PCSK9: variants seen among roughly 807,000 people sequenced by gnomAD.
PCSK9 encodes the protein convertase subtilisin/kexin type 9 preproprotein.
Under a neutral mutation model 62.1 loss-of-function variants are expected in PCSK9, and 57 were observed. The observed-to-expected ratio is 0.92, with a 90% CI of 0.74 to 1.14. PCSK9 has a LOEUF of 1.14. PCSK9 is among the 50% of genes most tolerant of loss of function. The probability of loss-of-function intolerance (pLI) is 0.00; values close to 1 mark genes in which losing one functional copy is unlikely to be tolerated. For missense variants in PCSK9, 870 were observed against 959.8 expected (o/e 0.91, Z 1.24); for synonymous variants, 387 against 409.4 (o/e 0.95, Z 0.66).
chr1:55,056,944 C>T (rs559878234), intron 6 of PCSK9, among the ~76,000 whole-genome samples: 2 of 151,404 alleles, frequency 1.3e-5, no homozygotes, highest in African/African-American at 4.9e-5. Flanking sequence ...CCCCCCTGGC[C>T]TATCAAGGCT....
rs1390903765 is a variant in PCSK9 at position 55,040,261 on chromosome 1, T to C, written c.207+217T>C. Among the ~76,000 whole-genome samples, 4 of 151,976 alleles carry C rather than the reference T, an allele frequency of 2.6e-5. No individual in the cohort carries two copies. The highest frequency in any genetic ancestry group is 6.6e-5 in the Admixed American group (1 of 15,236). On this transcript the variant is annotated intron_variant, in intron 1 of 11. Transcript: ENST00000302118. The surrounding 1 kb of genome is among the most constrained non-coding windows in gnomAD (Gnocchi z 4.1). Reference sequence around the variant, plus strand: ...TGGAGAGCGGGGACGGCCGGCTCTTTGGGGACTTGCTGGGGCGTGCGGCTG... The same window carrying C: ...TGGAGAGCGGGGACGGCCGGCTCTTCGGGGACTTGCTGGGGCGTGCGGCTG...
rs1259693827 is a variant in PCSK9 at position 55,046,505 on chromosome 1, C to A, written c.400-18C>A. ...AAATGGCTTAAGCAGAGTCCCCCGGCCTCTCTGGCTTCTGCAGGCCTTGAA... is the reference window on the plus strand; with the variant it reads ...AAATGGCTTAAGCAGAGTCCCCCGGACTCTCTGGCTTCTGCAGGCCTTGAA... On this transcript the variant is annotated intron_variant, in intron 2 of 11. Transcript: ENST00000302118. The A allele has an allele frequency of 1.9e-6, 3 of 1,614,084 alleles. No individual in the cohort carries two copies. The highest frequency in any genetic ancestry group is 2.5e-6 in the Non-Finnish European group (3 of 1,180,050).
At chr1:55,063,207 T>A (rs1369164450) in intron 11 of PCSK9, among the ~76,000 whole-genome samples, 162 bp from the exon 12 acceptor site, 4 of 150,470 alleles carry the variant, frequency 2.7e-5, no homozygotes, top group South Asian at 2.1e-4. Context: ...GGGTGGGAGG[T>A]GCGGGGTGGG....
rs1644730154 is a variant in PCSK9, at chr1:55,058,139, G to A, written c.1284G>A (p.Trp428Ter). Residue 428 changes from tryptophan (W) to a stop codon, truncating the protein, a stop_gained, in exon 8 of 12, where the codon TGG (tryptophan) becomes TGA (stop). Transcript: ENST00000302118. LOFTEE classifies it high-confidence loss of function. Reference protein sequence around the residue: ...FSAKDVINEAWFPEDQRVLTP... With the variant: ...FSAKDVINEA ...CCAAAGATGTCATCAATGAGGCCTGGTTCCCTGAGGACCAGCGGGTACTGA... is the reference window on the plus strand; with the variant it reads ...CCAAAGATGTCATCAATGAGGCCTGATTCCCTGAGGACCAGCGGGTACTGA... 13 of 1,613,658 alleles carry A rather than the reference G, an allele frequency of 8.1e-6. No individual in the cohort carries two copies. In the East Asian group the frequency reaches 2.7e-4, roughly 33 times the overall value.
At chr1:55,050,377 CCAGATGTCTT>C (rs961241515) in intron 3 of PCSK9, among the ~76,000 whole-genome samples, 11 of 152,206 alleles carry the variant, frequency 7.2e-5, no homozygotes, top group African/African-American at 2.7e-4. Flanking sequence ...TGTTTGGTCT[CCAGATGTCTT>C]CAGGTCGGAG....
intron 5 of PCSK9, among the ~76,000 whole-genome samples, chr1:55,055,305 C>T (rs1644705840): frequency 7.0e-6 from 1 of 143,728 alleles, no homozygotes; most frequent in Non-Finnish European, 1.5e-5. Flanking sequence ...GCATCTGAGC[C>T]AGGCCTCAGA....
chr1:55,053,283 T>TAA (rs1157095728), intron 5 of PCSK9, among the ~76,000 whole-genome samples: 1 of 152,060 alleles, frequency 6.6e-6, no homozygotes, highest in Non-Finnish European at 1.5e-5. Flanking sequence ...TGTGACTACA[T>TAA]TTAGTCCACC....
intron 5 of PCSK9, 133 bp from the exon 6 acceptor site, chr1:55,055,860 C>T (rs1473244286): frequency 1.2e-6 from 1 of 860,232 alleles, no homozygotes; most frequent in Non-Finnish European, 1.7e-6. Flanking sequence ...GCAGCATTTC[C>T]ACTGGCTTTT....
Position 55,050,381 on chromosome 1 carries a change from A to G in PCSK9, c.524-1897A>G, listed in dbSNP as rs151039689. ...GTGGCGAGCACTGTTTGGTCTCCAGATGTCTTCAGGTCGGAGCTCACAGCG... is the reference window on the plus strand; with the variant it reads ...GTGGCGAGCACTGTTTGGTCTCCAGGTGTCTTCAGGTCGGAGCTCACAGCG... On this transcript the variant is annotated intron_variant, in intron 3 of 11. Coordinates refer to ENST00000302118, the MANE Select transcript of PCSK9 (RefSeq NM_174936.4). 1.2e-4 allele frequency among the ~76,000 whole-genome samples: 19 copies of G among 152,240 alleles called. No homozygotes were observed. In the East Asian group the frequency reaches 2.9e-3, roughly 23 times the overall value.
chr1:55,051,232 T>C (rs1269947724), intron 3 of PCSK9: 1 of 456,140 alleles, frequency 2.2e-6, no homozygotes, highest in Admixed American at 2.3e-5. Context: ...GAGGTGCTGT[T>C]CAGATGGCAC....
chr1:55,058,018 C>A lies in PCSK9; in HGVS notation c.1181-18C>A. The A allele has an allele frequency of 6.2e-7, 1 of 1,613,562 alleles. No homozygotes were observed. On this transcript the variant is annotated intron_variant, in intron 7 of 11. Transcript: ENST00000302118. ...GGGCCGGGCCATCACCATCTTTCACCATTCACCCCTGCACCAGGCATTGCA... is the reference window on the plus strand; with the variant it reads ...GGGCCGGGCCATCACCATCTTTCACAATTCACCCCTGCACCAGGCATTGCA...
chr1:55,057,281 A>G (rs367548452), intron 6 of PCSK9, 50 bp from the exon 7 acceptor site: 81 of 1,578,666 alleles, frequency 5.1e-5, no homozygotes, highest in Non-Finnish European at 6.4e-5. Context: ...TGCCTCTGCA[A>G]CCCCTCTCTT....
In PCSK9 at chr1:55,063,925, G is replaced by C. The variant is rs1004125446; in HGVS notation, c.*341G>C. 10 of 352,952 alleles carry C rather than the reference G, an allele frequency of 2.8e-5. No individual in the cohort carries two copies. Among genetic ancestry groups the C allele is most frequent in the Non-Finnish European group, 4.2e-5 (8 of 190,212 alleles). The allele number at this position is 352,952 out of a possible 1,614,324, so 21.9% of individuals were successfully genotyped here. ...GCAGAATGACTTTTATTGAGCTCTTGTTCCGTGCCAGGCATTCAATCCTCA... is the reference window on the plus strand; with the variant it reads ...GCAGAATGACTTTTATTGAGCTCTTCTTCCGTGCCAGGCATTCAATCCTCA... On this transcript the variant is annotated 3_prime_UTR_variant, in exon 12 of 12. Transcript: ENST00000302118.
Position 55,046,641 on chromosome 1 carries a change from C to T in PCSK9, c.518C>T (p.Pro173Leu). The T allele has an allele frequency of 5.0e-6, 8 of 1,613,890 alleles. No homozygotes were observed. The highest frequency in any genetic ancestry group is 6.8e-6 in the Non-Finnish European group (8 of 1,179,994). ...PPRYRADEYQ[P>L]PDGGSLVEVY... ...CGGTACCGGGCGGATGAATACCAGC[C>T]CCCCGGTAAGACCCCCATCTGTGCC... Residue 173 changes from proline (P) to leucine (L), a missense_variant, in exon 3 of 12, where the codon CCC becomes CTC. Coordinates refer to ENST00000302118, the MANE Select transcript of PCSK9 (RefSeq NM_174936.4).
chr1:55,042,052 T>G (rs1365820368), intron 1 of PCSK9, among the ~76,000 whole-genome samples: 1 of 152,106 alleles, frequency 6.6e-6, no homozygotes, highest in Non-Finnish European at 1.5e-5. Flanking sequence ...GTTCAAGTGG[T>G]TCTCCTGCCT....
chr1:55,051,705 G>A (rs533843321), intron 3 of PCSK9: 12 of 210,670 alleles, frequency 5.7e-5, no homozygotes, highest in Admixed American at 2.1e-4. Flanking sequence ...GTTGTGACTC[G>A]TGTGAGGCAG....
rs78984000 is a variant in PCSK9 at position 55,046,987 on chromosome 1, A to G, written c.523+341A>G. On this transcript the variant is annotated intron_variant, in intron 3 of 11. Transcript: ENST00000302118. Reference sequence around the variant, plus strand: ...CTCTACCTAGGGCCCCCAGGCCTCTATAACTCCCAGTGCCCTGCAGACTGG... The same window carrying G: ...CTCTACCTAGGGCCCCCAGGCCTCTGTAACTCCCAGTGCCCTGCAGACTGG... Among the ~76,000 whole-genome samples, 798 of 152,272 alleles carry G rather than the reference A, an allele frequency of 5.2e-3. 11 individuals carry two copies. The highest frequency in any genetic ancestry group is 0.019 in the African/African-American group (772 of 41,560).
chr1:55,062,252 C>T (rs994045066), intron 11 of PCSK9, among the ~76,000 whole-genome samples: 2 of 152,230 alleles, frequency 1.3e-5, no homozygotes, highest in African/African-American at 2.4e-5. Flanking sequence ...CCTCAAAAGG[C>T]AGCCCTAAGG....
In PCSK9 at chr1:55,060,930, A is replaced by G. The variant is rs190304195; in HGVS notation, c.1682-445A>G. Among the ~76,000 whole-genome samples, 3 of 152,236 alleles carry G rather than the reference A, an allele frequency of 2.0e-5. No homozygotes were observed. The East Asian group carries it at 5.8e-4, about 29-fold the overall frequency. On this transcript the variant is annotated intron_variant, in intron 10 of 11. Coordinates refer to ENST00000302118, the MANE Select transcript of PCSK9 (RefSeq NM_174936.4). ...AGAGCCTCAGTGTAGCTAAGTAACC[A>G]CTATTTTAGGTTTCTTAGCCAATGG...
Sources: allele counts gnomAD v4.1 joint callset (sites outside exome capture counted in the v4.1 genomes callset), GRCh38; gene constraint gnomAD v4.1.1; non-coding constraint Gnocchi (gnomAD v3.1); transcripts MANE v1.5; gene names NCBI Gene and HGNC (gene_info 2026-07-23, HGNC 2026-07-21).